Variants in CTIF observed in about 807,000 individuals in gnomAD.
The protein encoded by CTIF is CBP80/20-dependent translation initiation factor.
Under a neutral mutation model 66.0 loss-of-function variants are expected in CTIF, and 21 were observed. The observed-to-expected ratio is 0.32, with a 90% CI of 0.23 to 0.46. The LOEUF is 0.46. Among genes scored for constraint, CTIF ranks in the 20% least tolerant of loss-of-function variants. The probability of loss-of-function intolerance (pLI) is 1.00; values close to 1 mark genes in which losing one functional copy is unlikely to be tolerated. For synonymous variants in CTIF, 345 were observed against 326.4 expected, an observed-to-expected ratio of 1.06 and a Z score of -0.62; for missense variants, 739 against 812.7, an observed-to-expected ratio of 0.91 and a Z score of 1.10.
At chr18:48,757,425 C>T (rs1908493041) in intron 7 of CTIF, among the ~76,000 whole-genome samples, 1 of 151,864 alleles carries the variant, frequency 6.6e-6, no homozygotes, top group African/African-American at 2.4e-5. Context: ...AGGGATATAA[C>T]TTTTCAAAAA....
chr18:48,720,278 G>C (rs1050314935), intron 7 of CTIF, among the ~76,000 whole-genome samples: 1 of 152,152 alleles, frequency 6.6e-6, no homozygotes, highest in Non-Finnish European at 1.5e-5. Context: ...GATGGGGACG[G>C]GGGGGATGCT....
intron 3 of CTIF, among the ~76,000 whole-genome samples, chr18:48,659,333 C>T (rs1598818785): frequency 6.6e-6 from 1 of 152,280 alleles, no homozygotes; most frequent in East Asian, 1.9e-4. Flanking sequence ...GATATTCAGA[C>T]AGAGAGGCCC....
chr18:48,701,366 A>G (rs951672154), intron 6 of CTIF, among the ~76,000 whole-genome samples: 1 of 152,198 alleles, frequency 6.6e-6, no homozygotes, highest in Non-Finnish European at 1.5e-5. Flanking sequence ...CTCCAGTTCC[A>G]TTCTCTTGTG....
intron 3 of CTIF, among the ~76,000 whole-genome samples, chr18:48,649,302 C>A (rs534177742): frequency 6.6e-6 from 1 of 152,370 alleles, no homozygotes; most frequent in South Asian, 2.1e-4. Context: ...CAGATTATAT[C>A]CTGCAGCTGG....
chr18:48,608,988 C>T (rs1394722161), intron 1 of CTIF, among the ~76,000 whole-genome samples: 1 of 152,200 alleles, frequency 6.6e-6, no homozygotes, highest in Admixed American at 6.5e-5. Flanking sequence ...CAGAGCAGGG[C>T]ACTATTGGTT....
chr18:48,593,395 T>C (rs1167094863), intron 1 of CTIF, among the ~76,000 whole-genome samples: 2 of 151,858 alleles, frequency 1.3e-5, no homozygotes, highest in Non-Finnish European at 2.9e-5. Context: ...TCTTTTTTTT[T>C]TTTGAGACGG....
chr18:48,741,534 T>C (rs949597978), intron 7 of CTIF, among the ~76,000 whole-genome samples: 1 of 151,768 alleles, frequency 6.6e-6, no homozygotes, highest in Admixed American at 6.6e-5. Context: ...AGTATTCTTC[T>C]GCCTCAGCCT....
At chr18:48,612,360 C>T (rs2144309069) in intron 1 of CTIF, among the ~76,000 whole-genome samples, 1 of 152,326 alleles carries the variant, frequency 6.6e-6, no homozygotes, top group Non-Finnish European at 1.5e-5. Flanking sequence ...ACTGGCCCTG[C>T]CCTGGGGGCC....
intron 10 of CTIF, chr18:48,826,145 T>C (rs1009460117): frequency 6.6e-6 from 1 of 152,212 alleles, no homozygotes; most frequent in Non-Finnish European, 1.5e-5. Flanking sequence ...ATAATACTCA[T>C]CCTGTGGCTT....
At chr18:48,568,667 A>AAAG in intron 1 of CTIF, among the ~76,000 whole-genome samples, 1 of 133,774 alleles carries the variant, frequency 7.5e-6, no homozygotes, top group South Asian at 2.4e-4. Flanking sequence ...AAAAAAAAAA[A>AAAG]AGAGGTTTAA....
intron 9 of CTIF, among the ~76,000 whole-genome samples, chr18:48,817,002 C>T (rs1216670151): frequency 6.6e-6 from 1 of 152,144 alleles, no homozygotes; most frequent in Non-Finnish European, 1.5e-5. Flanking sequence ...AAGCTGTGTC[C>T]CCAACCTGGG....
At chr18:48,586,838 T>G (rs1164992495) in intron 1 of CTIF, among the ~76,000 whole-genome samples, 2 of 152,148 alleles carry the variant, frequency 1.3e-5, no homozygotes, top group African/African-American at 4.8e-5. Flanking sequence ...ACAGATTCAC[T>G]CCAAAGCGGT....
chr18:48,756,752 G>A (rs1175832688), intron 7 of CTIF, among the ~76,000 whole-genome samples: 1 of 152,184 alleles, frequency 6.6e-6, no homozygotes, highest in Non-Finnish European at 1.5e-5. Context: ...GAAGGGTCAT[G>A]AGAATGTCCC....
At chr18:48,716,444 T>G (rs1051676316) in intron 7 of CTIF, among the ~76,000 whole-genome samples, 1 of 152,148 alleles carries the variant, frequency 6.6e-6, no homozygotes, top group African/African-American at 2.4e-5. Flanking sequence ...GGTGTTGGGA[T>G]GAGAGGAGCG....
chr18:48,778,291 A>G (rs55658959), intron 9 of CTIF, among the ~76,000 whole-genome samples: 13,906 of 152,164 alleles, frequency 0.091, 1,131 homozygotes, highest in East Asian at 0.44. Context: ...TCATTCAGAA[A>G]TGTTAGCTGT....
chr18:48,585,177 G>A lies in CTIF; in HGVS notation c.-28-34361G>A, dbSNP rs961234619. Among the ~76,000 whole-genome samples the A allele has an allele frequency of 3.3e-5, 5 of 152,270 alleles. No homozygotes were observed. The South Asian group carries it at 6.2e-4, about 19-fold the overall frequency. On this transcript the variant is annotated intron_variant, in intron 1 of 11. Transcript: ENST00000256413. The stretch of plus-strand genomic sequence containing the variant: ...CAGAGCATTGTCATGTGCCAGGGCA[G>A]ACCAAGCTGCCGGGTAAAAGTGCTG...
chr18:48,566,506 G>A (rs1236397445), intron 1 of CTIF: 1 of 152,268 alleles, frequency 6.6e-6, no homozygotes, highest in Non-Finnish European at 1.5e-5. Flanking sequence ...GAGGGGCAAG[G>A]GTGGAGATTT....
chr18:48,755,060 G>C (rs931683199), intron 7 of CTIF, among the ~76,000 whole-genome samples: 3 of 152,198 alleles, frequency 2.0e-5, no homozygotes, highest in Non-Finnish European at 4.4e-5. Flanking sequence ...GTTTCAAGAC[G>C]GATGTTGGGA....
chr18:48,733,878 C>T (rs1023431439), intron 7 of CTIF, among the ~76,000 whole-genome samples: 1 of 152,228 alleles, frequency 6.6e-6, no homozygotes, highest in African/African-American at 2.4e-5. Context: ...TCCCTTCCCC[C>T]AGTCTCTCAG....
Sources: gnomAD v4.1 joint callset for allele counts (sites outside exome capture counted in the v4.1 genomes callset) on GRCh38, gnomAD v4.1.1 for gene constraint, MANE v1.5 for transcripts, NCBI Gene and HGNC (gene_info 2026-07-23, HGNC 2026-07-21) for gene names.